The following KIAA1217 variants were observed in gnomAD, a reference collection of about 807,000 sequenced individuals.
The protein encoded by KIAA1217 is KIAA1217, also known as sickle tail protein homolog.
In KIAA1217, 88 loss-of-function variants were observed where a neutral mutation model predicts 163.9. That is an observed-to-expected ratio of 0.54 (90% CI 0.45 to 0.64). The LOEUF (loss-of-function observed/expected upper bound fraction) is 0.64. Among genes scored for constraint, KIAA1217 ranks in the 30% least tolerant of loss-of-function variants. The probability of loss-of-function intolerance (pLI) is 0.00; values close to 1 mark genes in which losing one functional copy is unlikely to be tolerated. For synonymous variants in KIAA1217, 903 were observed against 923.1 expected (o/e 0.98, Z 0.39); for missense variants, 2,372 against 2,475.0 (o/e 0.96, Z 0.88).
intron 5 of KIAA1217, among the ~76,000 whole-genome samples, chr10:24,445,891 T>C (rs1478711011): frequency 6.6e-6 from 1 of 152,170 alleles, no homozygotes; most frequent in Non-Finnish European, 1.5e-5. Context: ...TTTGGGTATA[T>C]ACCCAGTAAT....
chr10:24,178,168 T>C (rs1003892029), intron 2 of KIAA1217, among the ~76,000 whole-genome samples: 2 of 152,228 alleles, frequency 1.3e-5, no homozygotes, highest in African/African-American at 4.8e-5. Flanking sequence ...TGTACCACAG[T>C]GAATGTTTAC....
At chr10:24,158,208 A>G (rs1475649220) in intron 2 of KIAA1217, 3 of 736,656 alleles carry the variant, frequency 4.1e-6, no homozygotes, top group East Asian at 2.5e-5. Flanking sequence ...CTGGAGTTAC[A>G]TCTACTCCTG....
At chr10:23,994,396 G>A (rs1014560105) in intron 1 of KIAA1217, among the ~76,000 whole-genome samples, 2 of 152,166 alleles carry the variant, frequency 1.3e-5, no homozygotes, top group East Asian at 3.9e-4. Context: ...CAGTCCCACA[G>A]CCCAACACCA....
At chr10:23,810,636 TA>T (rs1564441349) in intron 1 of KIAA1217, among the ~76,000 whole-genome samples, 4 of 129,768 alleles carry the variant, frequency 3.1e-5, no homozygotes, top group South Asian at 2.3e-4. Flanking sequence ...TTATATATAA[TA>T]AATATATAGT....
chr10:23,939,460 A>AT (rs1326710288), intron 1 of KIAA1217, among the ~76,000 whole-genome samples: 5 of 152,154 alleles, frequency 3.3e-5, no homozygotes, highest in Non-Finnish European at 7.4e-5. Flanking sequence ...TATATTAAAT[A>AT]TCAAATGCAG....
chr10:23,837,173 G>T (rs530832106), intron 1 of KIAA1217, among the ~76,000 whole-genome samples: 1 of 152,242 alleles, frequency 6.6e-6, no homozygotes, highest in Admixed American at 6.5e-5. Flanking sequence ...CTTCCATGAT[G>T]CTACAAATGA....
At chr10:24,388,665 C>G (rs2130740259) in intron 3 of KIAA1217, among the ~76,000 whole-genome samples, 1 of 152,120 alleles carries the variant, frequency 6.6e-6, no homozygotes. Context: ...ACCCACCTGA[C>G]AAAGGGCTAA....
chr10:23,800,413 C>T (rs923188185), intron 1 of KIAA1217, among the ~76,000 whole-genome samples: 6 of 151,974 alleles, frequency 3.9e-5, no homozygotes, highest in Non-Finnish European at 5.9e-5. Context: ...CCTGTGCTTT[C>T]GCTGGAGCTG....
At chr10:23,883,869 G>A (rs899083865) in intron 1 of KIAA1217, among the ~76,000 whole-genome samples, 14 of 151,820 alleles carry the variant, frequency 9.2e-5, no homozygotes, top group African/African-American at 1.5e-4. Flanking sequence ...AGTTGGAATC[G>A]CATTGTATGT....
chr10:24,529,702 G>C (rs898815504), intron 14 of KIAA1217, among the ~76,000 whole-genome samples: 1 of 152,054 alleles, frequency 6.6e-6, no homozygotes, highest in African/African-American at 2.4e-5. Flanking sequence ...GGTCTGTCTA[G>C]GGTCCTGGGC....
chr10:23,801,975 CCTT>C (rs1476615516), intron 1 of KIAA1217, among the ~76,000 whole-genome samples: 6 of 152,196 alleles, frequency 3.9e-5, no homozygotes, highest in African/African-American at 1.4e-4. Context: ...TCCCTAAAGT[CCTT>C]CTTCTAAATA....
chr10:24,414,255 G>A (rs952807064), intron 3 of KIAA1217, among the ~76,000 whole-genome samples: 1 of 152,220 alleles, frequency 6.6e-6, no homozygotes, highest in Non-Finnish European at 1.5e-5. Flanking sequence ...AGGGGACACA[G>A]ACTATTATCC....
At chr10:23,959,465 G>A (rs1422533205) in intron 1 of KIAA1217, among the ~76,000 whole-genome samples, 1 of 152,220 alleles carries the variant, frequency 6.6e-6, no homozygotes, top group African/African-American at 2.4e-5. Context: ...CAAGGTTGCA[G>A]TGAGTGCCAC....
intron 1 of KIAA1217, among the ~76,000 whole-genome samples, chr10:23,790,568 T>TATAC (rs1835860670): frequency 8.2e-6 from 1 of 121,662 alleles, no homozygotes; most frequent in Non-Finnish European, 1.6e-5. Flanking sequence ...TACATATGTA[T>TATAC]ATATACATAT....
intron 1 of KIAA1217, among the ~76,000 whole-genome samples, chr10:23,792,705 T>C (rs995176516): frequency 1.3e-5 from 2 of 151,460 alleles, no homozygotes; most frequent in African/African-American, 2.4e-5. Flanking sequence ...GGTTTCACCA[T>C]GTTAGCCAGG....
intron 1 of KIAA1217, among the ~76,000 whole-genome samples, chr10:23,934,483 A>T (rs113716576): frequency 0.012 from 1,678 of 141,272 alleles, 11 homozygotes; most frequent in Non-Finnish European, 0.019. Context: ...CATTCTGCAC[A>T]TGTATCTCAT....
chr10:24,303,730 T>C (rs1437954767), intron 2 of KIAA1217, among the ~76,000 whole-genome samples: 1 of 152,186 alleles, frequency 6.6e-6, no homozygotes, highest in Admixed American at 6.5e-5. Flanking sequence ...GCTGTGAGTC[T>C]GCCTTCCAAA....
At chr10:23,978,941 G>A (rs1845651666) in intron 1 of KIAA1217, among the ~76,000 whole-genome samples, 1 of 152,098 alleles carries the variant, frequency 6.6e-6, no homozygotes, top group Admixed American at 6.6e-5. Flanking sequence ...TAGTCTGAAT[G>A]TATTTTCTTT....
intron 3 of KIAA1217, among the ~76,000 whole-genome samples, chr10:24,386,563 T>TTTTATTTA (rs61345194): frequency 6.8e-4 from 102 of 150,380 alleles, no homozygotes; most frequent in African/African-American, 9.6e-4. Flanking sequence ...AATAAATCTA[T>TTTTATTTA]TTTATTTATT....
Sources: gnomAD v4.1 joint callset for allele counts (sites outside exome capture counted in the v4.1 genomes callset) on GRCh38, gnomAD v4.1.1 for gene constraint, MANE v1.5 for transcripts, NCBI Gene and HGNC (gene_info 2026-07-23, HGNC 2026-07-21) for gene names.